The following CA12 variants were observed in gnomAD, a reference collection of about 807,000 sequenced individuals.
CA12 encodes the protein carbonic anhydrase 12.
In CA12, 36 loss-of-function variants were observed where a neutral mutation model predicts 46.8. That is an observed-to-expected ratio of 0.77 (90% confidence interval 0.59 to 1.02). CA12 has a LOEUF of 1.02. CA12 is among the 50% of genes least tolerant of loss of function. CA12 has a pLI of 0.00. For synonymous variants in CA12, 202 were observed against 187.0 expected (o/e 1.08, Z -0.65); for missense variants, 436 against 451.4 (o/e 0.97, Z 0.31).
intron 2 of CA12, among the ~76,000 whole-genome samples, chr15:63,366,968 C>T (rs1202118583): frequency 6.6e-6 from 1 of 152,176 alleles, no homozygotes; most frequent in African/African-American, 2.4e-5. Flanking sequence ...GTCGCCCAGA[C>T]TGGAGTGCAG....
chr15:63,370,917 C>A (rs1247002683), intron 2 of CA12, among the ~76,000 whole-genome samples: 9 of 152,166 alleles, frequency 5.9e-5, no homozygotes, highest in Non-Finnish European at 1.3e-4. Context: ...ATGGCCAAGC[C>A]TCCCTCCCTT....
intron 1 of CA12, 39 bp downstream of exon 1, chr15:63,381,597 G>A (rs778650635): frequency 6.4e-7 from 1 of 1,555,454 alleles, no homozygotes; most frequent in South Asian, 1.1e-5. Context: ...GCGGCTGAGC[G>A]CTCAGGAGTG....
Position 63,339,049 on chromosome 15 carries a change from A to C in CA12, c.748-104T>G, listed in dbSNP as rs1050074251. The C allele has an allele frequency of 1.7e-5, 25 of 1,447,066 alleles. No homozygotes were observed. The highest frequency in any genetic ancestry group is 2.3e-5 in the Non-Finnish European group (24 of 1,049,944). The allele number at this position is 1,447,066 out of a possible 1,614,324, so 89.6% of individuals were successfully genotyped here. ...TCTTGCACCTGGGAGAAGCCTCTGG[A>C]ACCAGCTTCTGTGGGGCCGGGTGGG... On this transcript the variant is annotated intron_variant, in intron 7 of 10. Coordinates refer to ENST00000178638, the MANE Select transcript of CA12 (RefSeq NM_001218.5). The surrounding 1 kb of genome is among the most constrained non-coding windows in gnomAD (Gnocchi z 4.3).
At position 63,374,476 on chromosome 15, in the gene CA12, T is replaced by C. The variant is rs1454370504; in HGVS notation, c.106+1182A>G. On this transcript the variant is annotated intron_variant, in intron 2 of 10. Coordinates refer to ENST00000178638, the MANE Select transcript of CA12 (RefSeq NM_001218.5). The surrounding 1 kb of genome is among the most constrained non-coding windows in gnomAD (Gnocchi z 4.4). The stretch of plus-strand genomic sequence containing the variant: ...TTACCTATTATGTTCTGCTTTGAAT[T>C]GTGAGCTTTAAGTAATTCCCAACTA... 6.6e-6 allele frequency among the ~76,000 whole-genome samples: 1 copy of C among 152,238 alleles called. No homozygotes were observed. Among genetic ancestry groups the C allele is most frequent in the Non-Finnish European group, 1.5e-5 (1 of 68,042 alleles).
At chr15:63,369,876 G>A (rs2039481467) in intron 2 of CA12, among the ~76,000 whole-genome samples, 1 of 152,132 alleles carries the variant, frequency 6.6e-6, no homozygotes, top group Non-Finnish European at 1.5e-5. Flanking sequence ...GCTTCCCTAT[G>A]TTTTTACTCA....
intron 4 of CA12, among the ~76,000 whole-genome samples, chr15:63,344,346 C>T (rs2039118397): frequency 6.6e-6 from 1 of 152,252 alleles, no homozygotes; most frequent in Non-Finnish European, 1.5e-5. Context: ...TAGAAAGGCA[C>T]AGACTTGTCT....
In CA12 at chr15:63,322,436, G is replaced by A. The variant is rs1188530298; in HGVS notation, c.*3849C>T. ...TTTACCTTTTTCTAGTGTGGCTACC[G>A]GAAAGTTTAAATTTCATACGTGTCT... On this transcript the variant is annotated 3_prime_UTR_variant, in exon 11 of 11. Coordinates refer to ENST00000178638, the MANE Select transcript of CA12 (RefSeq NM_001218.5). This position sits in a 1 kb window ranked among gnomAD's most constrained non-coding sequence, Gnocchi z 4.1. The A allele has an allele frequency of 5.9e-5, 9 of 151,274 alleles. No homozygotes were observed. The highest frequency in any genetic ancestry group is 1.3e-4 in the Admixed American group (2 of 15,194). The allele number at this position is 151,274 out of a possible 1,614,324, so 9.4% of individuals were successfully genotyped here. A position where few individuals can be genotyped will look rare whatever the true frequency, so the allele number is the denominator to read the frequency against.
chr15:63,322,584 C>G lies in CA12; in HGVS notation c.*3701G>C, dbSNP rs1291532936. 1 of 152,246 alleles carries G rather than the reference C, an allele frequency of 6.6e-6. No homozygotes were observed. Among genetic ancestry groups the G allele is most frequent in the Non-Finnish European group, 1.5e-5 (1 of 68,056 alleles). 9.4% of individuals were successfully genotyped at this position (152,246 alleles called of 1,614,324 possible). A position where few individuals can be genotyped will look rare whatever the true frequency, so the allele number is the denominator to read the frequency against. ...GAGTTCCCTCTGCCGACCTATGGCT[C>G]TCACTGCTATGCCTCCCTGATCATT... On this transcript the variant is annotated 3_prime_UTR_variant, in exon 11 of 11. Coordinates refer to ENST00000178638, the MANE Select transcript of CA12 (RefSeq NM_001218.5). The surrounding 1 kb of genome is among the most constrained non-coding windows in gnomAD (Gnocchi z 4.1).
rs113541787 is a variant in CA12 at position 63,377,590 on chromosome 15, A to G, written c.86-1912T>C. ...TTTTAATTTTCCAATGTAATTGGTAATTTTTATCAAATTACACTTGCACGT... is the reference window on the plus strand; with the variant it reads ...TTTTAATTTTCCAATGTAATTGGTAGTTTTTATCAAATTACACTTGCACGT... On this transcript the variant is annotated intron_variant, in intron 1 of 10. Transcript: ENST00000178638. Among the ~76,000 whole-genome samples the G allele has an allele frequency of 3.9e-3, 599 of 151,820 alleles. 5 individuals are homozygous for G. Among genetic ancestry groups the G allele is most frequent in the African/African-American group, 0.014 (577 of 41,414 alleles).
At chr15:63,353,570 T>TG (rs1567048632) in intron 2 of CA12, among the ~76,000 whole-genome samples, 1 of 152,190 alleles carries the variant, frequency 6.6e-6, no homozygotes, top group Non-Finnish European at 1.5e-5. Context: ...TGCCTCTCTC[T>TG]GGGGGTCATC....
At chr15:63,371,420 G>A (rs2039505284) in intron 2 of CA12, among the ~76,000 whole-genome samples, 1 of 152,158 alleles carries the variant, frequency 6.6e-6, no homozygotes, top group South Asian at 2.1e-4. Flanking sequence ...GGGCTGGCCT[G>A]CCGCAACAGA....
intron 10 of CA12, among the ~76,000 whole-genome samples, chr15:63,326,717 C>T (rs2038871809): frequency 6.6e-6 from 1 of 152,066 alleles, no homozygotes; most frequent in Non-Finnish European, 1.5e-5. Context: ...CCAAATGTCA[C>T]AATAAAAACA....
chr15:63,365,187 G>A (rs534150588), intron 2 of CA12, among the ~76,000 whole-genome samples: 1 of 152,368 alleles, frequency 6.6e-6, no homozygotes, highest in East Asian at 1.9e-4. Context: ...ATGTCAATAG[G>A]TATTAAGTCT....
chr15:63,381,463 C>T (rs1023648483), intron 1 of CA12, among the ~76,000 whole-genome samples, 173 bp downstream of exon 1: 6 of 152,218 alleles, frequency 3.9e-5, no homozygotes, highest in Non-Finnish European at 5.9e-5. Context: ...ACGTGCTTCC[C>T]GACCCAACCT....
intron 2 of CA12, among the ~76,000 whole-genome samples, chr15:63,360,841 C>T (rs770509802): frequency 4.6e-5 from 7 of 152,216 alleles, no homozygotes; most frequent in Non-Finnish European, 5.9e-5. Flanking sequence ...TTGTAATTAC[C>T]TGCTTATATG....
In CA12 at chr15:63,324,127, C is replaced by T. The variant is rs2038834081; in HGVS notation, c.*2158G>A. On this transcript the variant is annotated 3_prime_UTR_variant, in exon 11 of 11. Coordinates refer to ENST00000178638, the MANE Select transcript of CA12 (RefSeq NM_001218.5). ...GGAATCCTGTGAGGATTTGCAAAGA[C>T]ATTGATAGTGTTGGTTCTTGGAGCA... 1.3e-5 allele frequency: 2 copies of T among 152,270 alleles called. No homozygotes were observed. The highest frequency in any genetic ancestry group is 6.5e-5 in the Admixed American group (1 of 15,284). The allele number at this position is 152,270 out of a possible 1,614,324, so 9.4% of individuals were successfully genotyped here.
intron 3 of CA12, 25 bp downstream of exon 3, chr15:63,346,505 C>T (rs1409473403): frequency 2.5e-6 from 4 of 1,609,218 alleles, no homozygotes; most frequent in Non-Finnish European, 3.4e-6. Flanking sequence ...ACATACCCCT[C>T]AGGTCTCCAA....
chr15:63,366,481 G>C (rs1009054579), intron 2 of CA12, among the ~76,000 whole-genome samples: 2 of 152,152 alleles, frequency 1.3e-5, no homozygotes, highest in Non-Finnish European at 2.9e-5. Flanking sequence ...CCGCTTAATT[G>C]CTCTGTCCTC....
intron 1 of CA12, among the ~76,000 whole-genome samples, chr15:63,381,011 CTGTGTGTGTGTGTGTG>C (rs66492957): frequency 6.7e-6 from 1 of 148,236 alleles, no homozygotes; most frequent in Non-Finnish European, 1.5e-5. Flanking sequence ...CAGAAATATG[CTGTGTGTGTGTGTGTG>C]TGTGTGTGTG....
Sources: gnomAD v4.1 joint callset for allele counts (sites outside exome capture counted in the v4.1 genomes callset) on GRCh38, gnomAD v4.1.1 for gene constraint, Gnocchi (gnomAD v3.1) non-coding constraint, MANE v1.5 for transcripts, NCBI Gene and HGNC (gene_info 2026-07-23, HGNC 2026-07-21) for gene names.